POLR1B: variants seen among roughly 807,000 people sequenced by gnomAD.
POLR1B encodes RNA polymerase I subunit B, also known as DNA-directed RNA polymerase I subunit RPA2.
Under a neutral mutation model 105.8 loss-of-function variants are expected in POLR1B, and 30 were observed. The observed-to-expected ratio is 0.28, with a 90% CI of 0.21 to 0.38. POLR1B has a LOEUF of 0.38. POLR1B is among the 10% of genes least tolerant of loss of function. POLR1B has a pLI of 1.00. For missense variants in POLR1B, 976 were observed against 1,435.8 expected, an observed-to-expected ratio of 0.68 and a Z score of 5.17; for synonymous variants, 485 against 505.1, an observed-to-expected ratio of 0.96 and a Z score of 0.53.
intron 1 of POLR1B, among the ~76,000 whole-genome samples, chr2:112,545,419 A>G (rs1167095777): frequency 6.6e-6 from 1 of 152,188 alleles, no homozygotes; most frequent in Non-Finnish European, 1.5e-5. Flanking sequence ...ACATAATACA[A>G]GATTGTGTGT....
rs1292781467 is a variant in POLR1B at position 112,577,224 on chromosome 2, C to G, written c.*1495C>G. On this transcript the variant is annotated 3_prime_UTR_variant, in exon 15 of 15. Coordinates refer to ENST00000263331, the MANE Select transcript of POLR1B (RefSeq NM_019014.6). ...TCACTAATTATAAGGCAGATAGGAA[C>G]AGACAGAAAAATCTATCATTTCAAG... 2 of 152,218 alleles carry G rather than the reference C, an allele frequency of 1.3e-5. No individual in the cohort carries two copies. The highest frequency in any genetic ancestry group is 4.8e-5 in the African/African-American group (2 of 41,452). 9.4% of individuals were successfully genotyped at this position (152,218 alleles called of 1,614,324 possible).
At chr2:112,556,116 T>A (rs1683645987) in intron 7 of POLR1B, among the ~76,000 whole-genome samples, 1 of 152,242 alleles carries the variant, frequency 6.6e-6, no homozygotes, top group Non-Finnish European at 1.5e-5. Context: ...AAGTGTTCAG[T>A]GTACACCTGA....
At chr2:112,565,340 T>C (rs954276663) in intron 10 of POLR1B, among the ~76,000 whole-genome samples, 1 of 152,224 alleles carries the variant, frequency 6.6e-6, no homozygotes, top group Non-Finnish European at 1.5e-5. Context: ...CTTTATCTTC[T>C]GTATACTCAA....
chr2:112,548,861 C>G (rs906491460), intron 3 of POLR1B, among the ~76,000 whole-genome samples: 2 of 152,230 alleles, frequency 1.3e-5, no homozygotes, highest in African/African-American at 4.8e-5. Context: ...ATGCTCCTGT[C>G]TCGGCCTCCC....
upstream of POLR1B, chr2:112,542,397 C>T: frequency 6.2e-7 from 1 of 1,610,998 alleles, no homozygotes; most frequent in Non-Finnish European, 8.5e-7. Context: ...TCCCAGCAGG[C>T]TGCGGAAACG....
At chr2:112,558,974 T>G (rs1377789865) in intron 8 of POLR1B, among the ~76,000 whole-genome samples, 1 of 151,876 alleles carries the variant, frequency 6.6e-6, no homozygotes, top group Non-Finnish European at 1.5e-5. Flanking sequence ...TTAGCCTGCT[T>G]TCTTGCTTGT....
At chr2:112,546,704 G>T (rs968879847) in intron 1 of POLR1B, among the ~76,000 whole-genome samples, 2 of 151,842 alleles carry the variant, frequency 1.3e-5, no homozygotes, top group African/African-American at 2.4e-5. Flanking sequence ...TGGGACTACA[G>T]GCGCCCACCA....
chr2:112,556,000 A>G (rs567098165), intron 7 of POLR1B, among the ~76,000 whole-genome samples: 113 of 152,338 alleles, frequency 7.4e-4, no homozygotes, highest in African/African-American at 2.6e-3. Context: ...TTGATTTTAA[A>G]CCCAAATAAG....
intron 8 of POLR1B, among the ~76,000 whole-genome samples, chr2:112,558,674 A>C (rs1388718108): frequency 6.6e-6 from 1 of 151,050 alleles, no homozygotes; most frequent in Non-Finnish European, 1.5e-5. Context: ...TCTAAAGTGC[A>C]GTGGCAGGAT....
rs758454398 is a variant in POLR1B, at chr2:112,559,579, G to GTA, written c.1612+6_1612+7dup. The GTA allele has an allele frequency of 6.2e-7, 1 of 1,611,342 alleles. No individual in the cohort carries two copies. The highest frequency in any genetic ancestry group is 2.2e-5 in the East Asian group (1 of 44,810). ...CAGCTTTACTGTGCAACTTGGGTAT[G>GTA]TAGTGTACAGTGATAAACATCTTGT... On this transcript the variant is annotated splice_donor_region_variant and intron_variant, in intron 9 of 14. Transcript: ENST00000263331.
Position 112,572,605 on chromosome 2 carries a change from A to T in POLR1B, c.2118A>T (p.Arg706=). Reference sequence around the variant, plus strand: ...TTCCACTTCTCACTTATCAAGACCGATCGGATAACAAACTGTATCGTCTTC... The same window carrying T: ...TTCCACTTCTCACTTATCAAGACCGTTCGGATAACAAACTGTATCGTCTTC... ...MGFPLLTYQD[R]SDNKLYRLQT... The change falls in exon 13 of 15, where the codon CGA becomes CGT. Residue 706 remains arginine (R), a synonymous_variant. Transcript: ENST00000263331. 1 of 1,610,210 alleles carries T rather than the reference A, an allele frequency of 6.2e-7. No individual in the cohort carries two copies. The highest frequency in any genetic ancestry group is 8.5e-7 in the Non-Finnish European group (1 of 1,178,404).
At position 112,578,161 on chromosome 2, in the gene POLR1B, C is replaced by A. The variant is rs1219220379; in HGVS notation, c.*2432C>A. ...ATTGGCATTGGAACAGTCCACAGAG[C>A]TTATTCAAATTTCACCCATTTTACA... On this transcript the variant is annotated 3_prime_UTR_variant, in exon 15 of 15. Coordinates refer to ENST00000263331, the MANE Select transcript of POLR1B (RefSeq NM_019014.6). 6.6e-6 allele frequency among the ~76,000 whole-genome samples: 1 copy of A among 152,204 alleles called. No individual in the cohort carries two copies. The highest frequency in any genetic ancestry group is 6.5e-5 in the Admixed American group (1 of 15,282).
intron 9 of POLR1B, among the ~76,000 whole-genome samples, chr2:112,562,073 G>T (rs889380360): frequency 1.3e-4 from 20 of 152,114 alleles, no homozygotes; most frequent in Non-Finnish European, 2.4e-4. Context: ...AGGGGCACTT[G>T]TTTATAGTAT....
At chr2:112,547,652 C>A in intron 3 of POLR1B, 85 bp downstream of exon 3, 1 of 1,450,756 alleles carries the variant, frequency 6.9e-7, no homozygotes, top group Non-Finnish European at 9.4e-7. Context: ...TGTTTTCTTT[C>A]TGTGCTCCAA....
In POLR1B at chr2:112,547,580, G is replaced by A. The variant is rs202165074; in HGVS notation, c.492+13G>A. ...TGAGGAGGCAGAGGTAATGACGGGCGTCCAGGCATGAGACAGTAGAGAAGG... is the reference window on the plus strand; with the variant it reads ...TGAGGAGGCAGAGGTAATGACGGGCATCCAGGCATGAGACAGTAGAGAAGG... On this transcript the variant is annotated intron_variant, in intron 3 of 14. Transcript: ENST00000263331. The A allele has an allele frequency of 1.4e-3, 2,324 of 1,612,932 alleles. 5 individuals are homozygous for A. The highest frequency in any genetic ancestry group is 1.5e-3 in the Non-Finnish European group (1,801 of 1,179,470).
chr2:112,553,911 G>A (rs903534831), intron 7 of POLR1B, among the ~76,000 whole-genome samples: 1 of 152,056 alleles, frequency 6.6e-6, no homozygotes, highest in Admixed American at 6.6e-5. Flanking sequence ...AAGTTGGCAT[G>A]GCACAAAAAT....
At chr2:112,548,615 CTTT>C (rs199599329) in intron 3 of POLR1B, among the ~76,000 whole-genome samples, 3 of 142,694 alleles carry the variant, frequency 2.1e-5, no homozygotes, top group African/African-American at 2.6e-5. Flanking sequence ...TTTTATCTTT[CTTT>C]TTTTTTTTTT....
At position 112,542,473 on chromosome 2, in the gene POLR1B, C is replaced by T. The variant is rs1443468557; in HGVS notation, c.-22C>T. The T allele has an allele frequency of 1.9e-6, 3 of 1,607,212 alleles. No individual in the cohort carries two copies. The highest frequency in any genetic ancestry group is 2.5e-6 in the Non-Finnish European group (3 of 1,177,432). On this transcript the variant is annotated 5_prime_UTR_variant, in exon 1 of 15. Transcript: ENST00000263331. The stretch of plus-strand genomic sequence containing the variant: ...CGTCCGGCGTGTACCGAGAGACTGG[C>T]GTCCGGTGTGCAGGTGGCCACATGG...
chr2:112,550,783 G>A, intron 4 of POLR1B, 83 bp from the exon 5 acceptor site: 2 of 1,437,224 alleles, frequency 1.4e-6, no homozygotes, highest in Non-Finnish European at 9.6e-7. Context: ...GTGTCTAAGA[G>A]GTTAAGATTG....
Sources: gnomAD v4.1 joint callset for allele counts (sites outside exome capture counted in the v4.1 genomes callset) on GRCh38, gnomAD v4.1.1 for gene constraint, MANE v1.5 for transcripts, NCBI Gene and HGNC (gene_info 2026-07-23, HGNC 2026-07-21) for gene names.